The following KIAA1217 variants were observed in gnomAD, a reference collection of about 807,000 sequenced individuals.
The protein encoded by KIAA1217 is sickle tail protein homolog.
Under a neutral mutation model 163.9 loss-of-function variants are expected in KIAA1217, and 88 were observed. The observed-to-expected ratio is 0.54, with a 90% CI of 0.45 to 0.64. The LOEUF is 0.64. KIAA1217 is among the 30% of genes least tolerant of loss of function. The pLI is 0.00. For synonymous variants in KIAA1217, 903 were observed against 923.1 expected, an observed-to-expected ratio of 0.98 and a Z score of 0.39; for missense variants, 2,372 against 2,475.0, an observed-to-expected ratio of 0.96 and a Z score of 0.88.
At chr10:24,187,158 G>C (rs2066474450) in intron 2 of KIAA1217, among the ~76,000 whole-genome samples, 1 of 152,080 alleles carries the variant, frequency 6.6e-6, no homozygotes, top group Non-Finnish European at 1.5e-5. Context: ...AGAAAACCCT[G>C]ATTATAGACC....
chr10:24,233,650 C>T (rs550904919), intron 2 of KIAA1217, among the ~76,000 whole-genome samples: 1 of 152,220 alleles, frequency 6.6e-6, no homozygotes, highest in African/African-American at 2.4e-5. Flanking sequence ...AAAATTCTTA[C>T]TTTTAAATTT....
rs2073378737 is a variant in KIAA1217, at chr10:24,533,163, C to T, written c.3340C>T (p.Pro1114Ser). The change falls in exon 16 of 21, where the codon CCT (proline) becomes TCT (serine). Residue 1114 changes from proline to serine, a missense_variant. Pro to Ser is a moderately conservative substitution (Grantham distance 74). This residue lies in a region of KIAA1217 where 1,431 missense variants were observed against 1,470.3 expected (regional missense o/e 0.97). Transcript: ENST00000376454. ...TTCAGCCTGGACCCCATCCCCACCGCCTGTCACCACCTCCTCCTCAAAGGA... is the reference window on the plus strand; with the variant it reads ...TTCAGCCTGGACCCCATCCCCACCGTCTGTCACCACCTCCTCCTCAAAGGA... ...PASAWTPSPP[P>S]VTTSSSKDEE... 1.2e-6 allele frequency: 2 copies of T among 1,613,818 alleles called. No individual in the cohort carries two copies. Among genetic ancestry groups the T allele is most frequent in the East Asian group, 4.5e-5 (2 of 44,866 alleles).
At chr10:23,994,273 C>T (rs1393491147) in intron 1 of KIAA1217, among the ~76,000 whole-genome samples, 4 of 152,102 alleles carry the variant, frequency 2.6e-5, no homozygotes, top group African/African-American at 9.7e-5. Flanking sequence ...GCATATTACA[C>T]TTGGGTTGGG....
intron 1 of KIAA1217, among the ~76,000 whole-genome samples, chr10:23,813,719 G>A (rs1325368320): frequency 6.6e-6 from 1 of 152,152 alleles, no homozygotes; most frequent in Non-Finnish European, 1.5e-5. Context: ...AAATACCTAA[G>A]TCTATCCCTA....
chr10:24,107,647 G>A (rs189165067), intron 2 of KIAA1217, among the ~76,000 whole-genome samples: 13 of 152,204 alleles, frequency 8.5e-5, no homozygotes, highest in East Asian at 5.8e-4. Flanking sequence ...GATTTTGAGC[G>A]TTTTTTCATA....
At chr10:23,869,070 G>T (rs937177158) in intron 1 of KIAA1217, among the ~76,000 whole-genome samples, 11 of 112,646 alleles carry the variant, frequency 9.8e-5, no homozygotes, top group African/African-American at 3.7e-4. Flanking sequence ...TTATAAATGT[G>T]TTTTCAGTCC....
intron 2 of KIAA1217, among the ~76,000 whole-genome samples, chr10:24,183,801 G>C (rs2066292857): frequency 1.3e-5 from 2 of 152,160 alleles, no homozygotes; most frequent in Non-Finnish European, 2.9e-5. Context: ...GAATGGTTCT[G>C]CACCTCACAG....
At chr10:24,149,964 G>A (rs1395090085) in intron 2 of KIAA1217, among the ~76,000 whole-genome samples, 1 of 152,056 alleles carries the variant, frequency 6.6e-6, no homozygotes, top group Non-Finnish European at 1.5e-5. Flanking sequence ...AGATGTGAAA[G>A]GAAAAACAAT....
chr10:23,841,259 A>G (rs550657438), intron 1 of KIAA1217, among the ~76,000 whole-genome samples: 1 of 152,308 alleles, frequency 6.6e-6, no homozygotes, highest in Non-Finnish European at 1.5e-5. Context: ...CCTGCGATGT[A>G]AAAGCTGGAG....
At chr10:23,970,174 T>C (rs1486208649) in intron 1 of KIAA1217, among the ~76,000 whole-genome samples, 3 of 152,214 alleles carry the variant, frequency 2.0e-5, no homozygotes, top group Non-Finnish European at 4.4e-5. Context: ...TCTTTTATCA[T>C]GTGTGCTTTT....
Position 24,251,178 on chromosome 10 carries a change from A to G in KIAA1217, c.354+31269A>G, listed in dbSNP as rs2074463574. Among the ~76,000 whole-genome samples the G allele has an allele frequency of 2.0e-5, 3 of 151,844 alleles. No homozygotes were observed. The South Asian group carries it at 6.3e-4, about 32-fold the overall frequency. On this transcript the variant is annotated intron_variant, in intron 2 of 20. Coordinates refer to ENST00000376454, the MANE Select transcript of KIAA1217 (RefSeq NM_019590.5). ...GAGGCGGAGGTTGCAGTGAGCCGAG[A>G]TCACACCACTGCACTCCAGCCTGGG...
At chr10:23,968,089 A>G (rs1845146775) in intron 1 of KIAA1217, among the ~76,000 whole-genome samples, 1 of 151,842 alleles carries the variant, frequency 6.6e-6, no homozygotes. Context: ...CAGATAACCT[A>G]TCCTATGTAT....
intron 2 of KIAA1217, among the ~76,000 whole-genome samples, chr10:24,046,027 AT>A (rs1415172684): frequency 2.6e-5 from 4 of 152,200 alleles, no homozygotes; most frequent in African/African-American, 9.6e-5. Context: ...ATATCTTAGA[AT>A]GTGGCATTTC....
At chr10:24,263,560 A>C (rs186107742) in intron 2 of KIAA1217, among the ~76,000 whole-genome samples, 4 of 152,294 alleles carry the variant, frequency 2.6e-5, no homozygotes, top group African/African-American at 9.6e-5. Context: ...AGGACATTTT[A>C]ACCTCTCAAT....
At chr10:24,394,911 T>C (rs576467871) in intron 3 of KIAA1217, among the ~76,000 whole-genome samples, 9 of 152,336 alleles carry the variant, frequency 5.9e-5, no homozygotes, top group African/African-American at 1.9e-4. Context: ...TCTCAGACTT[T>C]AGCAGGAGAC....
chr10:23,748,738 T>C (rs1839566094), intron 1 of KIAA1217, among the ~76,000 whole-genome samples: 1 of 152,266 alleles, frequency 6.6e-6, no homozygotes. Flanking sequence ...TTCTTCCTCT[T>C]ATCCACGGTC....
chr10:24,023,059 G>A (rs993560604), intron 2 of KIAA1217, among the ~76,000 whole-genome samples: 5 of 151,572 alleles, frequency 3.3e-5, no homozygotes, highest in Non-Finnish European at 5.9e-5. Flanking sequence ...CATTCTACTA[G>A]TGAGCCTAGC....
intron 1 of KIAA1217, among the ~76,000 whole-genome samples, chr10:23,921,770 A>G (rs1489870082): frequency 6.6e-6 from 1 of 152,182 alleles, no homozygotes; most frequent in Non-Finnish European, 1.5e-5. Flanking sequence ...AACATGGTTC[A>G]TAGTTAACCA....
intron 1 of KIAA1217, among the ~76,000 whole-genome samples, chr10:23,709,980 C>G (rs75643881): frequency 6.6e-6 from 1 of 152,186 alleles, no homozygotes; most frequent in Non-Finnish European, 1.5e-5. Context: ...ATCTGATTTT[C>G]TTCTCTGGTT....
Sources: allele counts gnomAD v4.1 joint callset (sites outside exome capture counted in the v4.1 genomes callset), GRCh38; gene constraint gnomAD v4.1.1; regional missense constraint gnomAD v4.1.1; transcripts MANE v1.5; gene names NCBI Gene and HGNC (gene_info 2026-07-23, HGNC 2026-07-21).